PNPT1: variants seen among roughly 807,000 people sequenced by gnomAD.
PNPT1 encodes the protein polyribonucleotide nucleotidyltransferase 1, mitochondrial.
Under a neutral mutation model 119.5 loss-of-function variants are expected in PNPT1, and 53 were observed. That is an observed-to-expected ratio of 0.44 (90% CI 0.36 to 0.56). The LOEUF is 0.56. Ranked by LOEUF, PNPT1 falls within the 20% of genes least tolerant of loss-of-function variation. The probability of loss-of-function intolerance (pLI) is 0.00; values close to 1 mark genes in which losing one functional copy is unlikely to be tolerated. For missense variants in PNPT1, 948 were observed against 938.5 expected (o/e 1.01, Z -0.13); for synonymous variants, 357 against 322.1 (o/e 1.11, Z -1.16).
At chr2:55,676,144 C>T (rs1381416674) in intron 8 of PNPT1, among the ~76,000 whole-genome samples, 2 of 151,014 alleles carry the variant, frequency 1.3e-5, no homozygotes, top group Non-Finnish European at 2.9e-5. Flanking sequence ...CCTGTAGTCC[C>T]AGCTACTTGG....
intron 7 of PNPT1, among the ~76,000 whole-genome samples, chr2:55,680,472 T>C (rs559575567): frequency 6.7e-6 from 1 of 148,996 alleles, no homozygotes; most frequent in East Asian, 2.0e-4. Flanking sequence ...GAGACAATTA[T>C]GAAGTCAAAA....
intron 8 of PNPT1, among the ~76,000 whole-genome samples, chr2:55,676,079 G>A (rs1157257193): frequency 1.3e-5 from 2 of 151,852 alleles, no homozygotes; most frequent in Admixed American, 1.3e-4. Context: ...TGGCCAACAT[G>A]TTGAAACCCC....
rs141145119 is a variant in PNPT1 at position 55,661,260 on chromosome 2, T to C, written c.1247+696A>G. On this transcript the variant is annotated intron_variant, in intron 14 of 27. Transcript: ENST00000447944. ...GGTGCCCACCATCACGCCCAGCTAA[T>C]TTTTGCATTTTCAGTAGGGACGGAA... 6.8e-3 allele frequency among the ~76,000 whole-genome samples: 1,034 copies of C among 151,948 alleles called. 19 individuals are homozygous for C. The highest frequency in any genetic ancestry group is 0.024 in the African/African-American group (984 of 41,442).
chr2:55,673,191 G>C (rs552180763), intron 8 of PNPT1, 112 bp from the exon 9 acceptor site: 1 of 799,280 alleles, frequency 1.3e-6, no homozygotes, highest in African/African-American at 1.8e-5. Context: ...TTACTTCTTA[G>C]TGATAGATCC....
At chr2:55,660,509 C>T (rs768342707) in intron 14 of PNPT1, among the ~76,000 whole-genome samples, 3 of 152,192 alleles carry the variant, frequency 2.0e-5, no homozygotes, top group Non-Finnish European at 4.4e-5. Flanking sequence ...ATCCTAAATG[C>T]TATACCCACG....
At chr2:55,667,552 C>G (rs1696772481) in intron 12 of PNPT1, among the ~76,000 whole-genome samples, 1 of 151,354 alleles carries the variant, frequency 6.6e-6, no homozygotes, top group African/African-American at 2.4e-5. Context: ...CGAGATTGCA[C>G]TCCAGCCTGG....
chr2:55,661,345 C>T (rs897488014), intron 14 of PNPT1, among the ~76,000 whole-genome samples: 21 of 152,156 alleles, frequency 1.4e-4, no homozygotes, highest in Middle Eastern at 6.8e-3. Context: ...CCCACCTCGG[C>T]CTCCCAAGTG....
At position 55,666,707 on chromosome 2, in the gene PNPT1, T is replaced by C. The variant is rs1355973110; in HGVS notation, c.1176+284A>G. Among the ~76,000 whole-genome samples the C allele has an allele frequency of 2.0e-5, 3 of 152,242 alleles. No homozygotes were observed. The East Asian group carries it at 5.8e-4, about 29-fold the overall frequency. On this transcript the variant is annotated intron_variant, in intron 13 of 27. Coordinates refer to ENST00000447944, the MANE Select transcript of PNPT1 (RefSeq NM_033109.5). ...AAAGTTTTTAATTAACCAGGCATAGTGGCACACGCCTGTAGTCCCAGCTAC... is the reference window on the plus strand; with the variant it reads ...AAAGTTTTTAATTAACCAGGCATAGCGGCACACGCCTGTAGTCCCAGCTAC...
In PNPT1 at chr2:55,645,384, G is replaced by T. The variant is rs1029639924; in HGVS notation, c.1787C>A (p.Pro596His). The T allele has an allele frequency of 2.5e-6, 4 of 1,612,202 alleles. No individual in the cohort carries two copies. The highest frequency in any genetic ancestry group is 3.4e-6 in the Non-Finnish European group (4 of 1,178,744). The change falls in exon 22 of 28, where the codon CCT (proline) becomes CAT (histidine). Residue 596 changes from proline to histidine, a missense_variant. Physicochemically the swap from Pro to His is moderately conservative, Grantham distance 77. Transcript: ENST00000447944. ...TCCATTTTCTTTTCTAGATGCTCGA[G>T]GTTTTGAAATAGTTTTGTTCATGAT... is the stretch of plus-strand genomic sequence containing the variant. ...LQIMNKTISK[P>H]RASRKENGPV...
intron 8 of PNPT1, among the ~76,000 whole-genome samples, chr2:55,673,775 A>G (rs1188447886): frequency 6.6e-6 from 1 of 151,816 alleles, no homozygotes; most frequent in Non-Finnish European, 1.5e-5. Flanking sequence ...GGCCATATGT[A>G]TGTCCTTTTC....
Position 55,643,692 on chromosome 2 carries a change from A to G in PNPT1, c.1907-267T>C, listed in dbSNP as rs13383352. Among the ~76,000 whole-genome samples, 21,412 of 151,776 alleles carry G rather than the reference A, an allele frequency of 0.14. 3,071 individuals are homozygous for G. The highest frequency in any genetic ancestry group is 0.37 in the African/African-American group (15,284 of 41,312). On this transcript the variant is annotated intron_variant, in intron 23 of 27. Coordinates refer to ENST00000447944, the MANE Select transcript of PNPT1 (RefSeq NM_033109.5). ...GGGGTCAAGGCTGGAGTTAGCTGTG[A>G]TTGTGTACTGCACTCCAGTCTGGGT...
chr2:55,651,262 G>A (rs560002975), intron 18 of PNPT1, among the ~76,000 whole-genome samples: 46 of 151,694 alleles, frequency 3.0e-4, no homozygotes, highest in African/African-American at 1.1e-3. Flanking sequence ...CCACCACCCC[G>A]TCTGGGAGGT....
chr2:55,661,939 T>C lies in PNPT1; in HGVS notation c.1247+17A>G. The C allele has an allele frequency of 6.5e-7, 1 of 1,542,850 alleles. No homozygotes were observed. The highest frequency in any genetic ancestry group is 1.3e-5 in the South Asian group (1 of 79,240). ...AACATCATAAAACGTAACAAACATCTTAAAAACATAACTTACTTTATAGCT... is the reference window on the plus strand; with the variant it reads ...AACATCATAAAACGTAACAAACATCCTAAAAACATAACTTACTTTATAGCT... On this transcript the variant is annotated intron_variant, in intron 14 of 27. Coordinates refer to ENST00000447944, the MANE Select transcript of PNPT1 (RefSeq NM_033109.5).
intron 8 of PNPT1, among the ~76,000 whole-genome samples, chr2:55,674,811 G>T (rs1254734033): frequency 6.6e-6 from 1 of 152,180 alleles, no homozygotes; most frequent in Non-Finnish European, 1.5e-5. Context: ...CACCAGGCCT[G>T]AAGAAATTTC....
At position 55,671,347 on chromosome 2, in the gene PNPT1, T is replaced by A; in HGVS notation, c.948A>T (p.Ile316=). 6.5e-7 allele frequency: 1 copy of A among 1,544,032 alleles called. No homozygotes were observed. The highest frequency in any genetic ancestry group is 8.7e-7 in the Non-Finnish European group (1 of 1,143,864). The change falls in exon 11 of 28, where the codon ATA becomes ATT. Residue 316 remains isoleucine, a synonymous_variant. Coordinates refer to ENST00000447944, the MANE Select transcript of PNPT1 (RefSeq NM_033109.5). ...TTAGTTGTTCCTCCGTATCTAATCT[T>A]ATTTTGTTAACAGCTTCATCTCTGG... The part of the protein sequence containing the change: ...KVSRDEAVNK[I]RLDTEEQLKE...
chr2:55,672,756 A>T, intron 9 of PNPT1, 137 bp downstream of exon 9: 1 of 765,350 alleles, frequency 1.3e-6, no homozygotes, highest in Non-Finnish European at 2.0e-6. Flanking sequence ...GCAGATATTT[A>T]TGGGAATGAC....
chr2:55,667,767 A>G (rs1318882805), intron 12 of PNPT1, 95 bp downstream of exon 12: 2 of 1,475,720 alleles, frequency 1.4e-6, no homozygotes, highest in Non-Finnish European at 9.0e-7. Flanking sequence ...TGTTCACTTG[A>G]AAAAAAACAA....
At position 55,693,828 on chromosome 2, in the gene PNPT1, C is replaced by A; in HGVS notation, c.-5G>T. 3 of 1,613,108 alleles carry A rather than the reference C, an allele frequency of 1.9e-6. No homozygotes were observed. Among genetic ancestry groups the A allele is most frequent in the Non-Finnish European group, 8.5e-7 (1 of 1,179,946 alleles). On this transcript the variant is annotated 5_prime_UTR_variant, in exon 1 of 28. Transcript: ENST00000447944. The stretch of plus-strand genomic sequence containing the variant: ...GCAGTACCTGCAGGCCGCCATGACA[C>A]CCGGCACGCGGTCAACGCAGGCTGT...
chr2:55,673,048 T>C lies in PNPT1; in HGVS notation c.711A>G (p.Leu237=). 15 of 1,610,664 alleles carry C rather than the reference T, an allele frequency of 9.3e-6. No homozygotes were observed. Among genetic ancestry groups the C allele is most frequent in the Non-Finnish European group, 1.3e-5 (15 of 1,179,248 alleles). Residue 237 remains leucine (L), a synonymous_variant, in exon 9 of 28, where the codon TTA becomes TTG. Coordinates refer to ENST00000447944, the MANE Select transcript of PNPT1 (RefSeq NM_033109.5). ...VMLEASAENI[L]QQDFCHAIKV... ...TGATAGCATGGCAAAAGTCCTGCTG[T>C]AAAATGTTCTCTGCAGAGGCTTCCA...
Sources: gnomAD v4.1 joint callset for allele counts (sites outside exome capture counted in the v4.1 genomes callset) on GRCh38, gnomAD v4.1.1 for gene constraint, MANE v1.5 for transcripts, NCBI Gene and HGNC (gene_info 2026-07-23, HGNC 2026-07-21) for gene names.